Variants in DUOX1 observed in about 807,000 individuals in gnomAD.
DUOX1 encodes the protein dual oxidase 1.
Under a neutral mutation model 181.8 loss-of-function variants are expected in DUOX1, and 134 were observed. The observed-to-expected ratio is 0.74, with a 90% confidence interval of 0.64 to 0.85. DUOX1 has a LOEUF of 0.85. Among genes scored for constraint, DUOX1 ranks in the 40% least tolerant of loss-of-function variants. The pLI is 0.00. For missense variants in DUOX1, 1,814 were observed against 2,064.4 expected, an observed-to-expected ratio of 0.88 and a Z score of 2.35; for synonymous variants, 798 against 832.5, an observed-to-expected ratio of 0.96 and a Z score of 0.71.
At chr15:45,153,082 G>A (rs1896857293) in intron 25 of DUOX1, 5 of 373,782 alleles carry the variant, frequency 1.3e-5, no homozygotes, top group Admixed American at 7.9e-5. Context: ...TCAGCTGGGT[G>A]TGGTGGCACA....
rs1234777735 is a variant in DUOX1, at chr15:45,160,799, C to T, written c.3703-38C>T. The stretch of plus-strand genomic sequence containing the variant: ...AGCTGGCCCTGTATTCTGCTATGGG[C>T]ATCGCTAGGTCTGAGCAGAGCTCTT... On this transcript the variant is annotated intron_variant, in intron 28 of 33. Transcript: ENST00000389037. 5 of 1,566,294 alleles carry T rather than the reference C, an allele frequency of 3.2e-6. No homozygotes were observed. The Admixed American group carries it at 8.8e-5, about 28-fold the overall frequency.
At position 45,143,210 on chromosome 15, in the gene DUOX1, A is replaced by C; in HGVS notation, c.1843A>C (p.Ile615Leu). ...FPLVSLLSAW[I>L]VARLRMRNFK... ...CCCAGTGAGCCTGCTCAGTGCCTGG[A>C]TTGTTGCCCGGCTCCGGATGAGAAA... is the stretch of plus-strand genomic sequence containing the variant. The change falls in exon 16 of 34, where the codon ATT becomes CTT. Residue 615 changes from isoleucine to leucine, a missense_variant. By Grantham distance (5) the Ile-to-Leu change is conservative. This residue lies in a region of DUOX1 where 1,064 missense variants were observed against 1,152.9 expected (regional missense o/e 0.92). Coordinates refer to ENST00000389037, the MANE Select transcript of DUOX1 (RefSeq NM_175940.3). The C allele has an allele frequency of 1.2e-6, 2 of 1,614,010 alleles. No individual in the cohort carries two copies. Among genetic ancestry groups the C allele is most frequent in the Non-Finnish European group, 1.7e-6 (2 of 1,179,982 alleles).
Position 45,134,174 on chromosome 15 carries a change from A to G in DUOX1, c.172A>G (p.Ser58Gly), listed in dbSNP as rs775149414. ...GSRLQRLVPA[S>G]YADGVYQPLG... ...CCGGCTGCAGCGCCTGGTCCCAGCC[A>G]GCTATGCAGATGGCGTGTACCAGCC... The change falls in exon 4 of 34, where the codon AGC becomes GGC. Residue 58 changes from serine (S) to glycine (G), a missense_variant. Coordinates refer to ENST00000389037, the MANE Select transcript of DUOX1 (RefSeq NM_175940.3). 6.4e-7 allele frequency: 1 copy of G among 1,557,302 alleles called. No individual in the cohort carries two copies. The highest frequency in any genetic ancestry group is 2.1e-5 in the Admixed American group (1 of 48,006).
At chr15:45,136,929 A>G (rs185094841) in intron 9 of DUOX1, among the ~76,000 whole-genome samples, 49 of 152,248 alleles carry the variant, frequency 3.2e-4, no homozygotes, top group Admixed American at 2.0e-3. Context: ...TCTTGACACT[A>G]CACTGGGGAC....
intron 13 of DUOX1, 21 bp downstream of exon 13, chr15:45,141,091 G>A (rs1207326549): frequency 1.5e-5 from 24 of 1,613,910 alleles, no homozygotes; most frequent in Non-Finnish European, 1.9e-5. Context: ...CTGGGCCTCC[G>A]CCTCAGGCTC....
chr15:45,146,438 C>T (rs1244695432), intron 18 of DUOX1, among the ~76,000 whole-genome samples: 1 of 152,164 alleles, frequency 6.6e-6, no homozygotes, highest in African/African-American at 2.4e-5. Context: ...TCCTTCGGGG[C>T]TATGGGAACT....
chr15:45,141,749 AGCGTGT>A (rs1186871824), intron 14 of DUOX1, among the ~76,000 whole-genome samples: 6 of 81,386 alleles, frequency 7.4e-5, no homozygotes, highest in Non-Finnish European at 1.5e-4. Flanking sequence ...CAGTGAGGGA[AGCGTGT>A]GTGTGTGTGT....
Position 45,160,741 on chromosome 15 carries a change from A to G in DUOX1, c.3703-96A>G. ...ACGTGGTGAGGTGGGGGCTGGATATACCAGCGGGGAAGTATGGAGGGTCTA... is the reference window on the plus strand; with the variant it reads ...ACGTGGTGAGGTGGGGGCTGGATATGCCAGCGGGGAAGTATGGAGGGTCTA... On this transcript the variant is annotated intron_variant, in intron 28 of 33. Coordinates refer to ENST00000389037, the MANE Select transcript of DUOX1 (RefSeq NM_175940.3). 2.0e-6 allele frequency: 3 copies of G among 1,465,876 alleles called. No homozygotes were observed. In the South Asian group the frequency reaches 4.1e-5, roughly 20 times the overall value. The allele number at this position is 1,465,876 out of a possible 1,614,324, so 90.8% of individuals were successfully genotyped here.
intron 12 of DUOX1, 65 bp from the exon 13 acceptor site, chr15:45,140,830 C>T (rs1175656139): frequency 5.2e-6 from 8 of 1,533,754 alleles, no homozygotes; most frequent in Non-Finnish European, 7.2e-6. Context: ...TCCCTGGGAG[C>T]CACCTCTTTG....
At chr15:45,145,106 C>T (rs767330471) in intron 18 of DUOX1, 26 bp downstream of exon 18, 4 of 1,555,778 alleles carry the variant, frequency 2.6e-6, no homozygotes, top group South Asian at 2.5e-5. Context: ...CAGATCAATC[C>T]TTATGCTGTG....
chr15:45,144,867 G>T, intron 17 of DUOX1, 28 bp from the exon 18 acceptor site: 1 of 1,576,552 alleles, frequency 6.3e-7, no homozygotes, highest in Non-Finnish European at 8.6e-7. Flanking sequence ...TTGGCAAATG[G>T]TTGCTTTTGC....
intron 17 of DUOX1, 50 bp from the exon 18 acceptor site, chr15:45,144,845 C>A: frequency 6.5e-7 from 1 of 1,548,378 alleles, no homozygotes; most frequent in African/African-American, 1.4e-5. Flanking sequence ...AACTGCCTAA[C>A]CTCAAGAGGC....
In DUOX1 at chr15:45,144,967, G is replaced by A. The variant is rs200730389; in HGVS notation, c.2209G>A (p.Gly737Arg). The A allele has an allele frequency of 1.2e-5, 19 of 1,613,998 alleles. No homozygotes were observed. Among genetic ancestry groups the A allele is most frequent in the East Asian group, 1.1e-4 (5 of 44,850 alleles). ...TCTCCGGGGAGCTCTGAAGGAGAGC[G>A]GGTTGAGCATCCAGGAGTGGGAGCT... ...ENLRGALKES[G>R]LSIQEWELRE... Residue 737 changes from glycine (G) to arginine (R), a missense_variant, in exon 18 of 34, where the codon GGG (glycine) becomes AGG (arginine). This residue lies in a region of DUOX1 where 1,064 missense variants were observed against 1,152.9 expected (regional missense o/e 0.92). Transcript: ENST00000389037.
At position 45,153,765 on chromosome 15, in the gene DUOX1, T is replaced by G. The variant is rs930182519; in HGVS notation, c.3525-186T>G. On this transcript the variant is annotated intron_variant, in intron 26 of 33. Coordinates refer to ENST00000389037, the MANE Select transcript of DUOX1 (RefSeq NM_175940.3). ...AGCTGGGCATGGTGGTGCGTGCCTGTAATCCCAGCTACTGGGGAGGCTGAG... is the reference window on the plus strand; with the variant it reads ...AGCTGGGCATGGTGGTGCGTGCCTGGAATCCCAGCTACTGGGGAGGCTGAG... 4 of 642,744 alleles carry G rather than the reference T, an allele frequency of 6.2e-6. No individual in the cohort carries two copies. In the African/African-American group the frequency reaches 7.3e-5, roughly 12 times the overall value. 39.8% of individuals were successfully genotyped at this position (642,744 alleles called of 1,614,324 possible). A position where few individuals can be genotyped will look rare whatever the true frequency, so the allele number is the denominator to read the frequency against.
At position 45,161,723 on chromosome 15, in the gene DUOX1, A is replaced by C. The variant is rs754555176; in HGVS notation, c.3857-15A>C. ...GGTTCAGGGCAGCAGCTTCTCACCC[A>C]CCATCCCTCCCCAGGAGTGACCCAC... On this transcript the variant is annotated splice_polypyrimidine_tract_variant and intron_variant, in intron 29 of 33. Transcript: ENST00000389037. 72 of 1,611,706 alleles carry C rather than the reference A, an allele frequency of 4.5e-5. No individual in the cohort carries two copies. The highest frequency in any genetic ancestry group is 5.9e-5 in the Non-Finnish European group (69 of 1,179,292).
At chr15:45,143,328 G>A in intron 16 of DUOX1, 25 bp downstream of exon 16, 1 of 1,592,934 alleles carries the variant, frequency 6.3e-7, no homozygotes, top group Middle Eastern at 1.7e-4. Context: ...GGCCAGGGTG[G>A]TGGTAGGGAG....
intron 21 of DUOX1, 77 bp downstream of exon 21, chr15:45,148,524 C>A: frequency 6.9e-7 from 1 of 1,450,586 alleles, no homozygotes; most frequent in South Asian, 1.4e-5. Context: ...TTTAGGAGTC[C>A]ACAGAAATGT....
chr15:45,138,866 T>C, intron 10 of DUOX1, 200 bp from the exon 11 acceptor site: 1 of 587,146 alleles, frequency 1.7e-6, no homozygotes, highest in South Asian at 2.1e-5. Context: ...TAGACCTCTG[T>C]CAGGCAGCAC....
intron 4 of DUOX1, among the ~76,000 whole-genome samples, chr15:45,134,808 C>A (rs1896244527): frequency 6.6e-6 from 1 of 152,160 alleles, no homozygotes; most frequent in Non-Finnish European, 1.5e-5. Flanking sequence ...CTGGCTCCTG[C>A]TGCGTTTTGG....
Sources: gnomAD v4.1 joint callset for allele counts (sites outside exome capture counted in the v4.1 genomes callset) on GRCh38, gnomAD v4.1.1 for gene constraint, gnomAD v4.1.1 regional missense constraint, MANE v1.5 for transcripts, NCBI Gene and HGNC (gene_info 2026-07-23, HGNC 2026-07-21) for gene names.